LEKR1: variants seen among roughly 807,000 people sequenced by gnomAD.
LEKR1 encodes the protein leucine, glutamate and lysine rich 1, also known as protein LEKR1.
A neutral mutation model predicts 72.4 loss-of-function variants in LEKR1; 59 were observed. That is an observed-to-expected ratio of 0.82 (90% CI 0.66 to 1.01). LEKR1 has a LOEUF of 1.01. LEKR1 is among the 50% of genes least tolerant of loss of function. The pLI, the probability that LEKR1 is intolerant of heterozygous loss-of-function variation, is 0.00. For missense variants in LEKR1, 728 were observed against 759.2 expected (o/e 0.96, Z 0.48); for synonymous variants, 257 against 263.2 (o/e 0.98, Z 0.23).
At chr3:156,940,445 T>A (rs1726101392) in intron 5 of LEKR1, among the ~76,000 whole-genome samples, 1 of 152,092 alleles carries the variant, frequency 6.6e-6, no homozygotes, top group Non-Finnish European at 1.5e-5. Context: ...CAGGAAAGGT[T>A]CAAGGTGGAT....
intron 6 of LEKR1, among the ~76,000 whole-genome samples, chr3:156,955,259 G>C (rs928959070): frequency 6.6e-6 from 1 of 151,688 alleles, no homozygotes; most frequent in African/African-American, 2.4e-5. Context: ...GGCTGAGACA[G>C]GTTTCTAGGT....
chr3:156,980,859 G>A (rs1730137285), intron 7 of LEKR1, among the ~76,000 whole-genome samples: 1 of 152,158 alleles, frequency 6.6e-6, no homozygotes, highest in African/African-American at 2.4e-5. Context: ...TAAACTTACT[G>A]GTAGTGACAT....
rs577117274 is a variant in LEKR1 at position 156,883,682 on chromosome 3, G to A, written c.263+30700G>A. 3.3e-5 allele frequency among the ~76,000 whole-genome samples: 5 copies of A among 152,242 alleles called. 1 individual carries two copies. The South Asian group carries it at 1.0e-3, about 32-fold the overall frequency. On this transcript the variant is annotated intron_variant, in intron 3 of 12. Coordinates refer to ENST00000356539, the MANE Select transcript of LEKR1 (RefSeq NM_001004316.3). ...TTATAAGGGGAAACCGATTTTGCTT[G>A]GCTCTCATTCTCTCTTGTCTGCTGC...
intron 3 of LEKR1, among the ~76,000 whole-genome samples, chr3:156,891,509 C>CA (rs2108557557): frequency 6.6e-6 from 1 of 152,226 alleles, no homozygotes; most frequent in East Asian, 1.9e-4. Context: ...TTATGATATG[C>CA]AATGGAAGGT....
chr3:156,865,612 A>G (rs58001657), intron 3 of LEKR1, among the ~76,000 whole-genome samples: 127,610 of 151,364 alleles, frequency 0.84, 53,947 homozygotes, highest in African/African-American at 0.91. Flanking sequence ...TCCCTCTATC[A>G]TTGCCCATTT....
intron 9 of LEKR1, among the ~76,000 whole-genome samples, chr3:157,004,100 T>G (rs1732225569): frequency 6.6e-6 from 1 of 152,124 alleles, no homozygotes; most frequent in Non-Finnish European, 1.5e-5. Flanking sequence ...GGAAACATAT[T>G]TTAAATATAA....
chr3:156,998,295 C>A (rs114301878), intron 9 of LEKR1, among the ~76,000 whole-genome samples: 57 of 152,138 alleles, frequency 3.7e-4, no homozygotes, highest in African/African-American at 1.3e-3. Context: ...TAAAATATGT[C>A]TTAAATTCTC....
intron 12 of LEKR1, among the ~76,000 whole-genome samples, chr3:157,038,809 A>G (rs998134263): frequency 6.6e-6 from 1 of 152,222 alleles, no homozygotes; most frequent in Non-Finnish European, 1.5e-5. Flanking sequence ...GATGTAGGGC[A>G]GCCTCCCCAT....
Position 156,876,875 on chromosome 3 carries a change from A to G in LEKR1, c.263+23893A>G, listed in dbSNP as rs369658983. Among the ~76,000 whole-genome samples, 6 of 152,314 alleles carry G rather than the reference A, an allele frequency of 3.9e-5. No homozygotes were observed. The South Asian group carries it at 6.2e-4, about 16-fold the overall frequency. ...AGTACTATGTTGAATAGAAGTGATG[A>G]AAGTAATCATCCTTGCTTTGTTCCA... is the stretch of plus-strand genomic sequence containing the variant. On this transcript the variant is annotated intron_variant, in intron 3 of 12. Transcript: ENST00000356539.
chr3:156,894,021 G>C (rs1158630502), intron 3 of LEKR1, among the ~76,000 whole-genome samples: 1 of 152,222 alleles, frequency 6.6e-6, no homozygotes, highest in Non-Finnish European at 1.5e-5. Flanking sequence ...GAGTTGGAAA[G>C]CAGTTTGATG....
intron 12 of LEKR1, among the ~76,000 whole-genome samples, chr3:157,037,607 A>C (rs1471043316): frequency 6.6e-6 from 1 of 152,212 alleles, no homozygotes; most frequent in Non-Finnish European, 1.5e-5. Flanking sequence ...GTCTAAGTGC[A>C]AGGAGAACCC....
chr3:156,917,693 C>T (rs1723784820), intron 3 of LEKR1, among the ~76,000 whole-genome samples: 1 of 152,120 alleles, frequency 6.6e-6, no homozygotes, highest in Non-Finnish European at 1.5e-5. Flanking sequence ...CATGTTCAGA[C>T]ATCCAGAGTC....
chr3:156,940,859 A>AT (rs1403531999), intron 5 of LEKR1, among the ~76,000 whole-genome samples: 3 of 152,156 alleles, frequency 2.0e-5, no homozygotes, highest in Non-Finnish European at 4.4e-5. Context: ...ATTTTGGCAT[A>AT]TGATAAATAG....
chr3:157,045,446 G>T lies in LEKR1; in HGVS notation c.1775G>T (p.Arg592Leu). Reference protein sequence around the residue: ...REQLLELSKLRGSLPFSPCSL... With the variant: ...REQLLELSKLLGSLPFSPCSL... ...CAGCTCCTGGAGCTCAGTAAGCTTCGTGGAAGTTTACCATTCTCACCGTGT... is the reference window on the plus strand; with the variant it reads ...CAGCTCCTGGAGCTCAGTAAGCTTCTTGGAAGTTTACCATTCTCACCGTGT... The change falls in exon 13 of 13, where the codon CGT (arginine) becomes CTT (leucine). Residue 592 changes from arginine (R) to leucine (L), a missense_variant. By Grantham distance (102) the Arg-to-Leu change is moderately radical. Transcript: ENST00000356539. 1 of 1,614,032 alleles carries T rather than the reference G, an allele frequency of 6.2e-7. No homozygotes were observed. The highest frequency in any genetic ancestry group is 8.5e-7 in the Non-Finnish European group (1 of 1,179,934).
At position 157,028,868 on chromosome 3, in the gene LEKR1, G is replaced by A. The variant is rs148996337; in HGVS notation, c.1668+466G>A. The stretch of plus-strand genomic sequence containing the variant: ...TAAACTTATAAGGTAATATGCATGC[G>A]TCGGTTTTCTTTCTTATGTATGTAT... On this transcript the variant is annotated intron_variant, in intron 12 of 12. Coordinates refer to ENST00000356539, the MANE Select transcript of LEKR1 (RefSeq NM_001004316.3). 2.5e-3 allele frequency among the ~76,000 whole-genome samples: 378 copies of A among 152,198 alleles called. 1 individual carries two copies. Among genetic ancestry groups the A allele is most frequent in the African/African-American group, 8.5e-3 (351 of 41,524 alleles).
chr3:157,017,916 T>A, intron 10 of LEKR1, among the ~76,000 whole-genome samples: 1 of 128,428 alleles, frequency 7.8e-6, no homozygotes, highest in Non-Finnish European at 1.5e-5. Context: ...GCCACTGCAC[T>A]CCAGCCTGGG....
chr3:156,915,327 T>C (rs1723522244), intron 3 of LEKR1, among the ~76,000 whole-genome samples: 1 of 152,108 alleles, frequency 6.6e-6, no homozygotes, highest in Admixed American at 6.6e-5. Flanking sequence ...GAGGAATTGC[T>C]ACACTGCTTT....
intron 3 of LEKR1, among the ~76,000 whole-genome samples, chr3:156,871,358 G>T (rs1181041396): frequency 6.6e-6 from 1 of 152,056 alleles, no homozygotes; most frequent in African/African-American, 2.4e-5. Context: ...GTCTATCATT[G>T]TTGGACATTT....
intron 3 of LEKR1, among the ~76,000 whole-genome samples, chr3:156,870,536 T>G (rs769761898): frequency 1.8e-4 from 27 of 152,126 alleles, no homozygotes; most frequent in Non-Finnish European, 3.4e-4. Context: ...GTATGTTAAT[T>G]TATGTCCTGC....
Sources: allele counts gnomAD v4.1 joint callset (sites outside exome capture counted in the v4.1 genomes callset), GRCh38; gene constraint gnomAD v4.1.1; transcripts MANE v1.5; gene names NCBI Gene and HGNC (gene_info 2026-07-23, HGNC 2026-07-21).